The following TMEM260 variants were observed in gnomAD, a reference collection of about 807,000 sequenced individuals.
TMEM260 encodes the protein protein O-mannosyl-transferase TMEM260.
Under a neutral mutation model 88.9 loss-of-function variants are expected in TMEM260, and 82 were observed. That is an observed-to-expected ratio of 0.92 (90% CI 0.77 to 1.11). The LOEUF (loss-of-function observed/expected upper bound fraction) is 1.11. Ranked by LOEUF, TMEM260 falls within the 50% of genes least tolerant of loss-of-function variation. The pLI is 0.00. For synonymous variants in TMEM260, 314 were observed against 309.3 expected (o/e 1.02, Z -0.16); for missense variants, 902 against 853.4 (o/e 1.06, Z -0.71).
intron 3 of TMEM260, chr14:56,593,333 C>T (rs917538115): frequency 6.6e-6 from 1 of 152,170 alleles, no homozygotes; most frequent in Admixed American, 6.5e-5. Context: ...ATTTTAAACA[C>T]TTGACTGCCC....
intron 5 of TMEM260, among the ~76,000 whole-genome samples, chr14:56,608,419 T>G (rs572016207): frequency 5.9e-5 from 9 of 152,300 alleles, no homozygotes; most frequent in African/African-American, 2.2e-4. Context: ...TTTATAAAAC[T>G]TTGTCGATAT....
intron 11 of TMEM260, among the ~76,000 whole-genome samples, chr14:56,624,129 G>GATT (rs1181282829): frequency 6.6e-6 from 1 of 152,138 alleles, no homozygotes; most frequent in Non-Finnish European, 1.5e-5. Flanking sequence ...TTGAGGCCTA[G>GATT]ATTATTACAT....
chr14:56,582,164 G>A (rs1459561525), intron 1 of TMEM260, among the ~76,000 whole-genome samples: 1 of 152,176 alleles, frequency 6.6e-6, no homozygotes, highest in Non-Finnish European at 1.5e-5. Flanking sequence ...ATTCTTGAAT[G>A]TTTATGAATT....
chr14:56,623,846 G>A (rs754396455), intron 11 of TMEM260, among the ~76,000 whole-genome samples: 13 of 152,312 alleles, frequency 8.5e-5, no homozygotes, highest in Middle Eastern at 3.4e-3. Context: ...CATAAGACAA[G>A]TAAAACATAA....
chr14:56,615,186 C>T (rs1469842247), intron 7 of TMEM260, among the ~76,000 whole-genome samples: 2 of 152,050 alleles, frequency 1.3e-5, no homozygotes, highest in African/African-American at 4.8e-5. Flanking sequence ...TGTATGGTTT[C>T]TATAATTATG....
intron 3 of TMEM260, among the ~76,000 whole-genome samples, chr14:56,597,818 CAGAG>C (rs142152669): frequency 1.3e-4 from 20 of 150,506 alleles, no homozygotes; most frequent in South Asian, 4.2e-4. Context: ...TTATTTTCAA[CAGAG>C]AGAGAGAGAG....
chr14:56,655,457 C>T (rs929605522), downstream of TMEM260, among the ~76,000 whole-genome samples: 4 of 151,588 alleles, frequency 2.6e-5, no homozygotes, highest in African/African-American at 7.3e-5. Context: ...CCTCAAGAAA[C>T]GAAAATCCCC....
intron 1 of TMEM260, among the ~76,000 whole-genome samples, chr14:56,584,099 G>C (rs1019451466): frequency 5.9e-5 from 9 of 151,786 alleles, no homozygotes; most frequent in Non-Finnish European, 8.8e-5. Flanking sequence ...AATTGAAGTA[G>C]GATTGGTCAA....
chr14:56,603,658 GA>G (rs2139551835), intron 3 of TMEM260, among the ~76,000 whole-genome samples, 156 bp from the exon 4 acceptor site: 1 of 152,264 alleles, frequency 6.6e-6, no homozygotes, highest in Non-Finnish European at 1.5e-5. Context: ...AAAATCTGTT[GA>G]AGGAAATTAT....
chr14:56,579,815 G>C lies in TMEM260; in HGVS notation c.-100G>C, dbSNP rs1043053698. 8.6e-7 allele frequency: 1 copy of C among 1,160,690 alleles called. No homozygotes were observed. Among genetic ancestry groups the C allele is most frequent in the Admixed American group, 4.2e-5 (1 of 23,596 alleles). 71.9% of individuals were successfully genotyped at this position (1,160,690 alleles called of 1,614,324 possible). Reference sequence around the variant, plus strand: ...GGAGGCTCGACCCGGAAGCCGCCGTGGCCGCCGCACAAGCTGCGCTCGTCT... The same window carrying C: ...GGAGGCTCGACCCGGAAGCCGCCGTCGCCGCCGCACAAGCTGCGCTCGTCT... On this transcript the variant is annotated 5_prime_UTR_variant, in exon 1 of 16. Transcript: ENST00000261556.
At chr14:56,654,560 T>TTA (rs138361250), downstream of TMEM260, among the ~76,000 whole-genome samples, 6,160 of 152,134 alleles carry the variant, frequency 0.04, 418 homozygotes, top group African/African-American at 0.14. Context: ...GGCTCACACC[T>TTA]GTAATCCCAG....
At chr14:56,621,750 A>G (rs767713780) in intron 11 of TMEM260, 48 bp downstream of exon 11, 1 of 1,519,334 alleles carries the variant, frequency 6.6e-7, no homozygotes, top group Non-Finnish European at 8.9e-7. Context: ...ATTTAAAAAC[A>G]TATGTTTTGG....
intron 15 of TMEM260, among the ~76,000 whole-genome samples, chr14:56,640,905 CA>C (rs1283048497): frequency 6.6e-6 from 1 of 151,890 alleles, no homozygotes; most frequent in African/African-American, 2.4e-5. Flanking sequence ...CAGCGATGGA[CA>C]ATGAAATGAA....
downstream of TMEM260, among the ~76,000 whole-genome samples, chr14:56,652,761 C>G (rs1159371503): frequency 6.6e-6 from 1 of 152,156 alleles, no homozygotes; most frequent in Non-Finnish European, 1.5e-5. Context: ...CTTAGAGTGT[C>G]ATAATTTTCC....
At chr14:56,582,045 A>AT (rs1885172508) in intron 1 of TMEM260, among the ~76,000 whole-genome samples, 2 of 152,134 alleles carry the variant, frequency 1.3e-5, no homozygotes, top group South Asian at 4.1e-4. Context: ...TGCTTCTAAT[A>AT]TTTTTATGTT....
downstream of TMEM260, among the ~76,000 whole-genome samples, chr14:56,653,736 C>CAAAAAAAAAAAAAAAAAA (rs10522889): frequency 1.1e-4 from 7 of 66,556 alleles, no homozygotes; most frequent in East Asian, 6.1e-4. Flanking sequence ...CTCTTGTCTC[C>CAAAAAAAAAAAAAAAAAA]AAAACAAAAA....
intron 3 of TMEM260, among the ~76,000 whole-genome samples, chr14:56,600,635 A>G (rs1886517779): frequency 6.6e-6 from 1 of 152,182 alleles, no homozygotes; most frequent in Admixed American, 6.5e-5. Flanking sequence ...GTGAGATGCC[A>G]CTTCACACTG....
At chr14:56,598,601 T>A (rs10483671) in intron 3 of TMEM260, among the ~76,000 whole-genome samples, 1 of 152,190 alleles carries the variant, frequency 6.6e-6, no homozygotes, top group Non-Finnish European at 1.5e-5. Flanking sequence ...ATAGGAAATA[T>A]GACTTGAGCA....
At chr14:56,611,582 T>TG (rs1887279195) in intron 6 of TMEM260, among the ~76,000 whole-genome samples, 1 of 152,206 alleles carries the variant, frequency 6.6e-6, no homozygotes, top group South Asian at 2.1e-4. Context: ...GCTTATACAC[T>TG]GCTGGTGGGA....
Sources: allele counts gnomAD v4.1 joint callset (sites outside exome capture counted in the v4.1 genomes callset), GRCh38; gene constraint gnomAD v4.1.1; transcripts MANE v1.5; gene names NCBI Gene and HGNC (gene_info 2026-07-23, HGNC 2026-07-21).